The following TRAPPC9 variants were observed in gnomAD, a reference collection of about 807,000 sequenced individuals.
TRAPPC9 encodes trafficking protein particle complex subunit 9.
In TRAPPC9, 83 loss-of-function variants were observed where a neutral mutation model predicts 124.0. That is an observed-to-expected ratio of 0.67 (90% confidence interval 0.56 to 0.80). TRAPPC9 has a LOEUF of 0.80. Ranked by LOEUF, TRAPPC9 falls within the 30% of genes least tolerant of loss-of-function variation. TRAPPC9 has a pLI of 0.00. For missense variants in TRAPPC9, 1,302 were observed against 1,508.3 expected (o/e 0.86, Z 2.27); for synonymous variants, 638 against 617.5 (o/e 1.03, Z -0.49).
intron 16 of TRAPPC9, among the ~76,000 whole-genome samples, chr8:140,239,654 G>A (rs149903440): frequency 4.6e-5 from 7 of 152,284 alleles, no homozygotes; most frequent in African/African-American, 1.2e-4. Context: ...CCAACACACC[G>A]TGCACTCCGC....
intron 17 of TRAPPC9, among the ~76,000 whole-genome samples, chr8:140,077,740 T>TG (rs1482885664): frequency 2.0e-5 from 3 of 152,042 alleles, no homozygotes; most frequent in Non-Finnish European, 4.4e-5. Flanking sequence ...GCCCCAGGGA[T>TG]GGGACCAGAA....
Position 139,830,203 on chromosome 8 carries a change from C to T in TRAPPC9, c.3055+55676G>A, listed in dbSNP as rs1825884633. On this transcript the variant is annotated intron_variant, in intron 21 of 22. Coordinates refer to ENST00000438773, the MANE Select transcript of TRAPPC9 (RefSeq NM_001160372.4). Reference sequence around the variant, plus strand: ...ACACATGTATACAAACACATACACACACATGCATACACACACAAATGAGCA... The same window carrying T: ...ACACATGTATACAAACACATACACATACATGCATACACACACAAATGAGCA... 6.6e-5 allele frequency among the ~76,000 whole-genome samples: 10 copies of T among 152,180 alleles called. No homozygotes were observed. The South Asian group carries it at 2.1e-3, about 31-fold the overall frequency.
chr8:140,048,622 T>C (rs1029044465), intron 17 of TRAPPC9, among the ~76,000 whole-genome samples: 3 of 152,168 alleles, frequency 2.0e-5, no homozygotes, highest in Non-Finnish European at 4.4e-5. Flanking sequence ...GGTTTTCATC[T>C]AACTGAAGCC....
intron 17 of TRAPPC9, among the ~76,000 whole-genome samples, chr8:140,037,026 T>A (rs990460857): frequency 1.3e-5 from 2 of 151,916 alleles, no homozygotes; most frequent in Non-Finnish European, 2.9e-5. Flanking sequence ...CCCTGGTGTG[T>A]GACCGTCACA....
intron 18 of TRAPPC9, among the ~76,000 whole-genome samples, chr8:140,003,470 C>T (rs372509039): frequency 1.3e-5 from 2 of 151,956 alleles, no homozygotes; most frequent in East Asian, 3.9e-4. Context: ...CATGTGGTGC[C>T]GTGCGCCTGT....
In TRAPPC9 at chr8:140,451,176, G is replaced by T; in HGVS notation, c.198C>A (p.Asn66Lys). 6.2e-7 allele frequency: 1 copy of T among 1,614,098 alleles called. No individual in the cohort carries two copies. Residue 66 changes from asparagine to lysine, a missense_variant, in exon 2 of 23, where the codon AAC (asparagine) becomes AAA (lysine). Transcript: ENST00000438773. ...GGTGGGTCTGGAAGTCACCCCACTC[G>T]TTGTTCTCGGGTGGGTAGTGGTGCC... ...RYRHHYPPEN[N>K]EWGDFQTHRK...
intron 7 of TRAPPC9, among the ~76,000 whole-genome samples, chr8:140,395,920 TC>T (rs1434557902): frequency 1.3e-5 from 2 of 151,808 alleles, no homozygotes; most frequent in Admixed American, 6.6e-5. Flanking sequence ...AACACTCCAT[TC>T]CACCCGACCC....
intron 3 of TRAPPC9, among the ~76,000 whole-genome samples, chr8:140,437,741 G>A (rs1451192982): frequency 6.6e-6 from 1 of 152,190 alleles, no homozygotes; most frequent in Admixed American, 6.5e-5. Flanking sequence ...GCTGACAGGT[G>A]TCCTTGCTAA....
chr8:140,099,859 C>T (rs1299150804), intron 17 of TRAPPC9: 4 of 146,830 alleles, frequency 2.7e-5, no homozygotes, highest in Admixed American at 6.8e-5. Context: ...GGACACCCAG[C>T]TAGGTCTCTG....
intron 7 of TRAPPC9, among the ~76,000 whole-genome samples, chr8:140,388,791 T>C (rs904406978): frequency 7.3e-6 from 1 of 137,136 alleles, no homozygotes; most frequent in African/African-American, 2.8e-5. Context: ...GAGGTTGCAG[T>C]GAGCAGAGAT....
chr8:140,444,411 G>C (rs1412468758), intron 2 of TRAPPC9, among the ~76,000 whole-genome samples: 1 of 152,070 alleles, frequency 6.6e-6, no homozygotes, highest in Non-Finnish European at 1.5e-5. Context: ...AAGACAGTCT[G>C]TTCAGCTGGG....
At chr8:139,974,465 C>T (rs1836307278) in intron 19 of TRAPPC9, among the ~76,000 whole-genome samples, 1 of 152,186 alleles carries the variant, frequency 6.6e-6, no homozygotes, top group African/African-American at 2.4e-5. Context: ...CAGAAACACC[C>T]ACATGACCTC....
chr8:140,225,420 A>G (rs1042304703), intron 16 of TRAPPC9, among the ~76,000 whole-genome samples: 1 of 152,238 alleles, frequency 6.6e-6, no homozygotes, highest in African/African-American at 2.4e-5. Flanking sequence ...CTGAAATTTC[A>G]TCAGGTAGAT....
intron 5 of TRAPPC9, among the ~76,000 whole-genome samples, chr8:140,420,798 C>G (rs181750326): frequency 6.6e-4 from 101 of 151,918 alleles, no homozygotes; most frequent in African/African-American, 2.4e-3. Context: ...AAGCAAAAAC[C>G]CATCAAGTTC....
At chr8:140,156,555 T>C (rs2061633927) in intron 17 of TRAPPC9, among the ~76,000 whole-genome samples, 1 of 152,240 alleles carries the variant, frequency 6.6e-6, no homozygotes, top group Admixed American at 6.5e-5. Context: ...GAAAGAAATC[T>C]GGCCATAGCC....
Position 140,116,011 on chromosome 8 carries a change from C to T in TRAPPC9, c.2557-91932G>A, listed in dbSNP as rs150866579. Among the ~76,000 whole-genome samples the T allele has an allele frequency of 7.5e-3, 1,149 of 152,240 alleles. 11 individuals are homozygous for T. The highest frequency in any genetic ancestry group is 0.026 in the African/African-American group (1,059 of 41,528). ...GTGCCTGAGCACAAATCAGAAGGAG[C>T]TCACGAGCATAAAAGGTGAGGAAGG... On this transcript the variant is annotated intron_variant, in intron 17 of 22. Coordinates refer to ENST00000438773, the MANE Select transcript of TRAPPC9 (RefSeq NM_001160372.4).
chr8:139,770,051 C>T (rs530636833), intron 21 of TRAPPC9, among the ~76,000 whole-genome samples: 32 of 152,348 alleles, frequency 2.1e-4, no homozygotes, highest in Admixed American at 7.2e-4. Context: ...ACACTGACTG[C>T]GCTGGCCTGG....
rs373781797 is a variant in TRAPPC9, at chr8:140,241,588, G to A, written c.2431+11189C>T. Among the ~76,000 whole-genome samples the A allele has an allele frequency of 2.9e-4, 44 of 152,070 alleles. No homozygotes were observed. Among genetic ancestry groups the A allele is most frequent in the African/African-American group, 9.4e-4 (39 of 41,392 alleles). On this transcript the variant is annotated intron_variant, in intron 16 of 22. Coordinates refer to ENST00000438773, the MANE Select transcript of TRAPPC9 (RefSeq NM_001160372.4). The surrounding 1 kb of genome is among the most constrained non-coding windows in gnomAD (Gnocchi z 5.0). ...TGTGCGCCTGTAGTCCCAGCTATTCGGAAGGCTGAGACAGGAGAATCGCTT... is the reference window on the plus strand; with the variant it reads ...TGTGCGCCTGTAGTCCCAGCTATTCAGAAGGCTGAGACAGGAGAATCGCTT...
chr8:139,819,458 AT>A (rs1825099809), intron 21 of TRAPPC9, among the ~76,000 whole-genome samples: 1 of 152,192 alleles, frequency 6.6e-6, no homozygotes, highest in Non-Finnish European at 1.5e-5. Flanking sequence ...CCAGTCCCTG[AT>A]GCCAAAAAGG....
Sources: gnomAD v4.1 joint callset for allele counts (sites outside exome capture counted in the v4.1 genomes callset) on GRCh38, gnomAD v4.1.1 for gene constraint, Gnocchi (gnomAD v3.1) non-coding constraint, MANE v1.5 for transcripts, NCBI Gene and HGNC (gene_info 2026-07-23, HGNC 2026-07-21) for gene names.